The following CYFIP1 variants were observed in gnomAD, a reference collection of about 807,000 sequenced individuals.
CYFIP1 encodes cytoplasmic FMR1-interacting protein 1.
A neutral mutation model predicts 163.5 loss-of-function variants in CYFIP1; 58 were observed. The ratio of observed to expected loss-of-function variants is 0.35; its 90% confidence interval spans 0.29 to 0.44. CYFIP1 has a LOEUF of 0.44. Among genes scored for constraint, CYFIP1 ranks in the 20% least tolerant of loss-of-function variants. CYFIP1 has a pLI of 1.00. For missense variants in CYFIP1, 1,338 were observed against 1,653.8 expected (o/e 0.81, Z 3.31); for synonymous variants, 663 against 660.7 (o/e 1.00, Z -0.05).
intron 1 of CYFIP1, among the ~76,000 whole-genome samples, chr15:22,949,138 A>T (rs958859911): frequency 7.2e-5 from 11 of 152,372 alleles, no homozygotes; most frequent in Admixed American, 2.6e-4. Context: ...GCTGAACACT[A>T]AAGATAAAGG....
intron 1 of CYFIP1, among the ~76,000 whole-genome samples, chr15:22,977,463 C>G (rs1481293412): frequency 6.6e-6 from 1 of 152,130 alleles, no homozygotes; most frequent in Non-Finnish European, 1.5e-5. Context: ...TCAATGGCCT[C>G]TAAGGGTTGG....
chr15:22,941,976 A>G (rs1405716097), intron 6 of CYFIP1, among the ~76,000 whole-genome samples: 1 of 152,204 alleles, frequency 6.6e-6, no homozygotes, highest in East Asian at 1.9e-4. Flanking sequence ...CCGACCAGTG[A>G]GTCTCGATGC....
In CYFIP1 at chr15:22,976,363, G is replaced by C. The variant is rs148665303; in HGVS notation, c.-7+3924C>G. Among the ~76,000 whole-genome samples the C allele has an allele frequency of 1.2e-4, 19 of 152,194 alleles. No homozygotes were observed. In the East Asian group the frequency reaches 3.7e-3, roughly 29 times the overall value. On this transcript the variant is annotated intron_variant, in intron 1 of 30. Coordinates refer to ENST00000617928, the MANE Select transcript of CYFIP1 (RefSeq NM_014608.6). The stretch of plus-strand genomic sequence containing the variant: ...AGTAGAGACAGGGTTTCACTATGTT[G>C]GCCAGGCTGGTCTCGAACTCCTGCC...
Position 22,870,131 on chromosome 15 carries a change from G to A in CYFIP1, c.3659C>T (p.Thr1220Ile). 3 of 1,612,968 alleles carry A rather than the reference G, an allele frequency of 1.9e-6. No individual in the cohort carries two copies. Among genetic ancestry groups the A allele is most frequent in the South Asian group, 1.1e-5 (1 of 90,784 alleles). Residue 1220 changes from threonine to isoleucine, a missense_variant, in exon 31 of 31, where the codon ACC becomes ATC. Thr to Ile is a moderately conservative substitution (Grantham distance 89, BLOSUM62 -1). This residue lies in a region of CYFIP1 where 306 missense variants were observed against 322.1 expected (regional missense o/e 0.95). Transcript: ENST00000617928. Reference protein sequence around the residue: ...KFQILNDEIITILDKYLKSGD... With the variant: ...KFQILNDEIIIILDKYLKSGD... ...TGACTTCAGGTACTTATCCAGGATGGTGATGATCTCATCATTGAGAATCTG... is the reference window on the plus strand; with the variant it reads ...TGACTTCAGGTACTTATCCAGGATGATGATGATCTCATCATTGAGAATCTG...
intron 5 of CYFIP1, among the ~76,000 whole-genome samples, chr15:22,943,570 A>G (rs115881154): frequency 3.8e-4 from 58 of 152,326 alleles, no homozygotes; most frequent in African/African-American, 1.3e-3. Context: ...CTTGCACTTT[A>G]CCAACTACAT....
At chr15:22,887,094 T>G (rs1251783395) in intron 23 of CYFIP1, among the ~76,000 whole-genome samples, 1 of 152,210 alleles carries the variant, frequency 6.6e-6, no homozygotes, top group African/African-American at 2.4e-5. Context: ...ACTCCTGCTT[T>G]CTTCAGCCTC....
At position 22,869,144 on chromosome 15, in the gene CYFIP1, C is replaced by T; in HGVS notation, c.*884G>A. The T allele has an allele frequency of 6.6e-6, 1 of 152,270 alleles. No homozygotes were observed. Among genetic ancestry groups the T allele is most frequent in the East Asian group, 1.9e-4 (1 of 5,192 alleles). The allele number at this position is 152,270 out of a possible 1,614,324, so 9.4% of individuals were successfully genotyped here. The stretch of plus-strand genomic sequence containing the variant: ...TGCTCCCGGTCCCTTTGTGCAGCAC[C>T]CACTGGGCCTGACTGATCTCCTCCC... On this transcript the variant is annotated 3_prime_UTR_variant, in exon 31 of 31. Coordinates refer to ENST00000617928, the MANE Select transcript of CYFIP1 (RefSeq NM_014608.6).
rs752742053 is a variant in CYFIP1 at position 22,939,487 on chromosome 15, T to C, written c.590A>G (p.Lys197Arg). 6.2e-7 allele frequency: 1 copy of C among 1,610,176 alleles called. No homozygotes were observed. Among genetic ancestry groups the C allele is most frequent in the Admixed American group, 1.7e-5 (1 of 59,340 alleles). ...AYKRAAQFLR[K>R]MADPQSIQES... is the part of the protein sequence containing the mutation. Reference sequence around the variant, plus strand: ...CTGGATGGACTGTGGATCTGCCATTTTACGTAAAAACTGAGCGGCCCTTTG... The same window carrying C: ...CTGGATGGACTGTGGATCTGCCATTCTACGTAAAAACTGAGCGGCCCTTTG... The change falls in exon 7 of 31, where the codon AAA (lysine) becomes AGA (arginine). Residue 197 changes from lysine (K) to arginine (R), a missense_variant. Transcript: ENST00000617928.
At chr15:22,915,031 G>C (rs1056139839) in intron 16 of CYFIP1, 149 bp from the exon 17 acceptor site, 53 of 730,002 alleles carry the variant, frequency 7.3e-5, no homozygotes, top group Middle Eastern at 3.9e-4. Context: ...AGGGGTCACC[G>C]GGGCCTTGCA....
intron 22 of CYFIP1, among the ~76,000 whole-genome samples, chr15:22,899,204 G>C (rs1296215069): frequency 6.6e-6 from 1 of 152,012 alleles, no homozygotes; most frequent in African/African-American, 2.4e-5. Flanking sequence ...AATATACTAA[G>C]AATAATGAAG....
rs2060697586 is a variant in CYFIP1 at position 22,909,204 on chromosome 15, G to T, written c.2378C>A (p.Thr793Asn). ...AGTGAAATTACTTACAACTATGGAG[G>T]TCAAATCTTCACTTTCAAATCGTCC... The part of the protein sequence containing the change: ...AIGRFESEDL[T>N]SIVELDGLLE... Residue 793 changes from threonine (T) to asparagine (N), a missense_variant, in exon 21 of 31, where the codon ACC becomes AAC. Coordinates refer to ENST00000617928, the MANE Select transcript of CYFIP1 (RefSeq NM_014608.6). 2 of 1,613,982 alleles carry T rather than the reference G, an allele frequency of 1.2e-6. No homozygotes were observed. The highest frequency in any genetic ancestry group is 2.2e-5 in the South Asian group (2 of 91,080).
At chr15:22,876,587 A>G (rs1489976440) in intron 26 of CYFIP1, among the ~76,000 whole-genome samples, 2 of 152,096 alleles carry the variant, frequency 1.3e-5, no homozygotes, top group Non-Finnish European at 2.9e-5. Flanking sequence ...TCACGCCTGT[A>G]ATCCCAGCAC....
intron 1 of CYFIP1, among the ~76,000 whole-genome samples, chr15:22,960,257 C>T (rs1353091212): frequency 6.6e-6 from 1 of 152,230 alleles, no homozygotes; most frequent in Non-Finnish European, 1.5e-5. Context: ...GACACTTGGG[C>T]TGGAAACACC....
At chr15:22,899,499 G>C (rs1241204015) in intron 22 of CYFIP1, among the ~76,000 whole-genome samples, 1 of 151,760 alleles carries the variant, frequency 6.6e-6, no homozygotes, top group Non-Finnish European at 1.5e-5. Flanking sequence ...TTTCATGATT[G>C]TGAGTGAGTC....
At chr15:22,915,564 CATGG>C (rs1436658930) in intron 16 of CYFIP1, among the ~76,000 whole-genome samples, 1 of 152,108 alleles carries the variant, frequency 6.6e-6, no homozygotes, top group Non-Finnish European at 1.5e-5. Flanking sequence ...GCCTGGCCAA[CATGG>C]TAAAACCCCA....
intron 9 of CYFIP1, among the ~76,000 whole-genome samples, chr15:22,934,596 C>G (rs1308088005): frequency 7.4e-6 from 1 of 134,596 alleles, no homozygotes; most frequent in Non-Finnish European, 1.5e-5. Flanking sequence ...CTCCAGGGTT[C>G]AAGAGATTCT....
intron 6 of CYFIP1, among the ~76,000 whole-genome samples, 165 bp downstream of exon 6, chr15:22,943,008 T>A (rs377252571): frequency 6.6e-6 from 1 of 152,146 alleles, no homozygotes; most frequent in South Asian, 2.1e-4. Context: ...CCCCTCACCT[T>A]ATCCCTCGAA....
intron 1 of CYFIP1, among the ~76,000 whole-genome samples, chr15:22,963,551 T>TAA (rs2062777576): frequency 5.6e-4 from 73 of 130,810 alleles, no homozygotes; most frequent in South Asian, 1.5e-3. Context: ...TAACATAACA[T>TAA]AACATAAGAA....
At position 22,903,787 on chromosome 15, in the gene CYFIP1, T is replaced by A. The variant is rs1264183179; in HGVS notation, c.2507A>T (p.Tyr836Phe). ...REANHNVSAP[Y>F]GRITLHVFWE... is the part of the protein sequence containing the mutation. ...GAAGACGTGCAGGGTGATCCTCCCG[T>A]AGGGCGCTGACACGTTGTGGTTGGC... The change falls in exon 22 of 31, where the codon TAC becomes TTC. Residue 836 changes from tyrosine to phenylalanine, a missense_variant. Around this residue, in one of 4 missense-constraint regions of CYFIP1, gnomAD observed 824 missense variants for 995.7 expected, o/e 0.83. Transcript: ENST00000617928. The A allele has an allele frequency of 1.2e-6, 2 of 1,614,172 alleles. No homozygotes were observed. Among genetic ancestry groups the A allele is most frequent in the Non-Finnish European group, 1.7e-6 (2 of 1,180,038 alleles).
Sources: allele counts gnomAD v4.1 joint callset (sites outside exome capture counted in the v4.1 genomes callset), GRCh38; gene constraint gnomAD v4.1.1; regional missense constraint gnomAD v4.1.1; transcripts MANE v1.5; gene names NCBI Gene and HGNC (gene_info 2026-07-23, HGNC 2026-07-21).